CRYGN: variants seen among roughly 807,000 people sequenced by gnomAD.
CRYGN encodes gamma-crystallin N.
CRYGN carries 17 observed loss-of-function variants against 19.2 expected under a neutral mutation model. The ratio of observed to expected loss-of-function variants is 0.89; its 90% CI spans 0.61 to 1.33. CRYGN has a LOEUF of 1.33. CRYGN is among the 40% of genes most tolerant of loss of function. CRYGN has a pLI of 0.00. For synonymous variants in CRYGN, 84 were observed against 85.8 expected, an observed-to-expected ratio of 0.98 and a Z score of 0.12; for missense variants, 239 against 239.6, an observed-to-expected ratio of 1.00 and a Z score of 0.02.
At chr7:151,439,645 A>G (rs1801710494) in intron 1 of CRYGN, among the ~76,000 whole-genome samples, 1 of 151,850 alleles carries the variant, frequency 6.6e-6, no homozygotes, top group African/African-American at 2.4e-5. Flanking sequence ...GAGTCTGAAC[A>G]CCCTCCCTGC....
chr7:151,440,014 G>C lies in CRYGN; in HGVS notation c.-97C>G, dbSNP rs896640755. The C allele has an allele frequency of 5.0e-6, 7 of 1,412,596 alleles. No individual in the cohort carries two copies. Among genetic ancestry groups the C allele is most frequent in the Non-Finnish European group, 6.5e-6 (7 of 1,080,220 alleles). The allele number at this position is 1,412,596 out of a possible 1,614,324, so 87.5% of individuals were successfully genotyped here. ...ACAAAAGATTTGCTGGGCCGGCCCC[G>C]GAGCGTTAGTGCTGTCGGGCGTGCT... On this transcript the variant is annotated 5_prime_UTR_variant, in exon 1 of 4. Coordinates refer to ENST00000337323, the MANE Select transcript of CRYGN (RefSeq NM_144727.3).
Position 151,436,088 on chromosome 7 carries a change from AC to A in CRYGN, c.416+91del. On this transcript the variant is annotated intron_variant, in intron 3 of 3. Transcript: ENST00000337323. This position sits in a 1 kb window ranked among gnomAD's most constrained non-coding sequence, Gnocchi z 5.1. The stretch of plus-strand genomic sequence containing the variant: ...CTGCTGGAGGTCTCATTCCCACCCC[AC>A]CCACCACCCCTGTGTGGCGGGCAGC... 1 of 1,068,692 alleles carries A rather than the reference AC, an allele frequency of 9.4e-7. No individual in the cohort carries two copies. The highest frequency in any genetic ancestry group is 1.2e-6 in the Non-Finnish European group (1 of 814,262). The allele number at this position is 1,068,692 out of a possible 1,614,324, so 66.2% of individuals were successfully genotyped here. A position where few individuals can be genotyped will look rare whatever the true frequency, so the allele number is the denominator to read the frequency against.
At chr7:151,432,632 C>T (rs1245626489) in intron 3 of CRYGN, among the ~76,000 whole-genome samples, 1 of 152,196 alleles carries the variant, frequency 6.6e-6, no homozygotes, top group African/African-American at 2.4e-5. Context: ...GGTGAAACCC[C>T]GTCTCTACTA....
In CRYGN at chr7:151,438,206, C is replaced by T. The variant is rs1801671802; in HGVS notation, c.60G>A (p.Lys20=). Residue 20 remains lysine, a synonymous_variant, in exon 2 of 4, where the codon AAG becomes AAA. Coordinates refer to ENST00000337323, the MANE Select transcript of CRYGN (RefSeq NM_144727.3). ...TGTCACAGTCCCCGAAGACCTCCAG[C>T]TTCTGCCCTGTGAAGTGCTTGCCTT... The part of the protein sequence containing the change: ...LYEGKHFTGQ[K]LEVFGDCDNF... 6.2e-7 allele frequency: 1 copy of T among 1,613,902 alleles called. No homozygotes were observed. Among genetic ancestry groups the T allele is most frequent in the Non-Finnish European group, 8.5e-7 (1 of 1,180,004 alleles).
chr7:151,438,160 T>C lies in CRYGN; in HGVS notation c.106A>G (p.Met36Val), dbSNP rs988255218. The stretch of plus-strand genomic sequence containing the variant: ...ACGTGGATGGAGTTCACTCGGTTCA[T>C]AAAGCCCCGGTCCTGGAAGTTGTCA... Reference protein sequence around the residue: ...DCDNFQDRGFMNRVNSIHVES... With the variant: ...DCDNFQDRGFVNRVNSIHVES... Residue 36 changes from methionine to valine, a missense_variant, in exon 2 of 4, where the codon ATG (methionine) becomes GTG (valine). By Grantham distance (21) the Met-to-Val change is conservative (BLOSUM62 1). Coordinates refer to ENST00000337323, the MANE Select transcript of CRYGN (RefSeq NM_144727.3). The C allele has an allele frequency of 1.2e-6, 2 of 1,614,186 alleles. No homozygotes were observed. The highest frequency in any genetic ancestry group is 1.1e-5 in the South Asian group (1 of 91,082).
chr7:151,440,142 A>G (rs887496339), upstream of CRYGN: 2 of 1,319,794 alleles, frequency 1.5e-6, no homozygotes, highest in Non-Finnish European at 1.9e-6. Flanking sequence ...CTCCGCGTTT[A>G]GCTCCCGAGC....
In CRYGN at chr7:151,429,879, G is replaced by GC. The variant is rs2150904709; in HGVS notation, c.*168dup. The GC allele has an allele frequency of 1.5e-6, 1 of 648,710 alleles. No individual in the cohort carries two copies. Among genetic ancestry groups the GC allele is most frequent in the East Asian group, 2.6e-5 (1 of 38,060 alleles). 40.2% of individuals were successfully genotyped at this position (648,710 alleles called of 1,614,324 possible). ...GGACGGCTGTTTCAGAAGAGACAGG[G>GC]CCCTTGCCATGGGTGGGGAGGGCCT... On this transcript the variant is annotated 3_prime_UTR_variant, in exon 4 of 4. Coordinates refer to ENST00000337323, the MANE Select transcript of CRYGN (RefSeq NM_144727.3).
chr7:151,432,264 G>A (rs1801489235), intron 3 of CRYGN: 4 of 1,232,092 alleles, frequency 3.2e-6, no homozygotes, highest in South Asian at 8.2e-5. Context: ...CGTGGTAGTT[G>A]GGCTCCTCAT....
chr7:151,436,195 A>G lies in CRYGN; in HGVS notation c.401T>C (p.Val134Ala). 2 of 1,537,290 alleles carry G rather than the reference A, an allele frequency of 1.3e-6. No homozygotes were observed. Among genetic ancestry groups the G allele is most frequent in the African/African-American group, 2.8e-5 (2 of 71,896 alleles). The stretch of plus-strand genomic sequence containing the variant: ...CTGTACTCACGCTCCGTCCCCGTAC[A>G]CCTTGATGGTGTTCACACAGTTCTT... Reference protein sequence around the residue: ...WVKNCVNTIKVYGDGAAWSPR... With the variant: ...WVKNCVNTIKAYGDGAAWSPR... The change falls in exon 3 of 4, where the codon GTG becomes GCG. Residue 134 changes from valine (V) to alanine (A), a missense_variant. By Grantham distance (64) the Val-to-Ala change is moderately conservative (BLOSUM62 0). Transcript: ENST00000337323. The surrounding 1 kb of genome is among the most constrained non-coding windows in gnomAD (Gnocchi z 5.1).
chr7:151,439,326 A>T (rs1234952756), intron 1 of CRYGN, among the ~76,000 whole-genome samples: 3 of 152,052 alleles, frequency 2.0e-5, no homozygotes, highest in Non-Finnish European at 2.9e-5. Context: ...GGCCTTGGAG[A>T]CCAAAGGCTT....
chr7:151,432,400 C>T, intron 3 of CRYGN: 1 of 520,866 alleles, frequency 1.9e-6, no homozygotes, highest in Non-Finnish European at 3.0e-6. Context: ...GCGGCCCCTT[C>T]ACTCTGGGCT....
chr7:151,437,522 C>G (rs1801646964), intron 2 of CRYGN, among the ~76,000 whole-genome samples: 1 of 152,174 alleles, frequency 6.6e-6, no homozygotes, highest in African/African-American at 2.4e-5. Flanking sequence ...TTCCAAGGGA[C>G]CTGCCCCCCA....
In CRYGN at chr7:151,430,488, G is replaced by A. The variant is rs113807729; in HGVS notation, c.417-308C>T. 4.8e-4 allele frequency among the ~76,000 whole-genome samples: 73 copies of A among 152,276 alleles called. No homozygotes were observed. The highest frequency in any genetic ancestry group is 1.7e-3 in the African/African-American group (70 of 41,550). ...GCTCTCTCAGTGAGGGATGGGGAGAGGTTGGAGGACACCCAGGAACGGGAC... is the reference window on the plus strand; with the variant it reads ...GCTCTCTCAGTGAGGGATGGGGAGAAGTTGGAGGACACCCAGGAACGGGAC... On this transcript the variant is annotated intron_variant, in intron 3 of 3. Coordinates refer to ENST00000337323, the MANE Select transcript of CRYGN (RefSeq NM_144727.3). The surrounding 1 kb of genome is among the most constrained non-coding windows in gnomAD (Gnocchi z 5.2).
rs372324270 is a variant in CRYGN at position 151,437,895 on chromosome 7, C to T, written c.270+101G>A. ...CCTTCAGTCTTACAGACTTTAAAGC[C>T]GGGAGGACCACGCTCCCCGATTCCT... On this transcript the variant is annotated intron_variant, in intron 2 of 3. Coordinates refer to ENST00000337323, the MANE Select transcript of CRYGN (RefSeq NM_144727.3). 198 of 1,584,266 alleles carry T rather than the reference C, an allele frequency of 1.2e-4. No individual in the cohort carries two copies. In the East Asian group the frequency reaches 2.2e-3, roughly 17 times the overall value.
rs201571806 is a variant in CRYGN, at chr7:151,439,956, G to C, written c.-39C>G. 5.3e-6 allele frequency: 8 copies of C among 1,508,058 alleles called. No individual in the cohort carries two copies. The East Asian group carries it at 1.5e-4, about 29-fold the overall frequency. 93.4% of individuals were successfully genotyped at this position (1,508,058 alleles called of 1,614,324 possible). A position where few individuals can be genotyped will look rare whatever the true frequency, so the allele number is the denominator to read the frequency against. On this transcript the variant is annotated 5_prime_UTR_variant, in exon 1 of 4. Transcript: ENST00000337323. ...CCTTCCGCGGGTCCCCGTTTACACC[G>C]GGCAGCGCCCTGCTGGCTCAGCGCC...
In CRYGN at chr7:151,431,561, C is replaced by G. The variant is rs373568513; in HGVS notation, c.417-1381G>C. 6.6e-6 allele frequency among the ~76,000 whole-genome samples: 1 copy of G among 152,136 alleles called. No homozygotes were observed. Among genetic ancestry groups the G allele is most frequent in the East Asian group, 1.9e-4 (1 of 5,184 alleles). ...GGGGCTATGGCTGCAGCAGACACGC[C>G]CCATGCCCCTTTCTCCCCGAAAGCC... On this transcript the variant is annotated intron_variant, in intron 3 of 3. Coordinates refer to ENST00000337323, the MANE Select transcript of CRYGN (RefSeq NM_144727.3). The surrounding 1 kb of genome is among the most constrained non-coding windows in gnomAD (Gnocchi z 4.8).
At position 151,438,552 on chromosome 7, in the gene CRYGN, G is replaced by A. The variant is rs74982503; in HGVS notation, c.22-308C>T. On this transcript the variant is annotated intron_variant, in intron 1 of 3. Transcript: ENST00000337323. The stretch of plus-strand genomic sequence containing the variant: ...TTTGTCTAGGTGCCCATTTCAAAAT[G>A]GGCTGTTTTCAACTTCCACTGCATT... Among the ~76,000 whole-genome samples the A allele has an allele frequency of 6.3e-3, 953 of 152,306 alleles. 11 individuals carry two copies. Among genetic ancestry groups the A allele is most frequent in the East Asian group, 0.056 (292 of 5,184 alleles).
rs1384699803 is a variant in CRYGN, at chr7:151,430,409, G to A, written c.417-229C>T. On this transcript the variant is annotated intron_variant, in intron 3 of 3. Coordinates refer to ENST00000337323, the MANE Select transcript of CRYGN (RefSeq NM_144727.3). The surrounding 1 kb of genome is among the most constrained non-coding windows in gnomAD (Gnocchi z 5.2). The stretch of plus-strand genomic sequence containing the variant: ...CCTCCGTCTTTGCCACCCAGCTCTT[G>A]GTGGGGAATTGTCTTGGGTGAATTG... Among the ~76,000 whole-genome samples, 1 of 152,106 alleles carries A rather than the reference G, an allele frequency of 6.6e-6. No homozygotes were observed. Among genetic ancestry groups the A allele is most frequent in the Non-Finnish European group, 1.5e-5 (1 of 68,010 alleles).
chr7:151,429,829 C>G lies in CRYGN; in HGVS notation c.*219G>C. 1 of 583,264 alleles carries G rather than the reference C, an allele frequency of 1.7e-6. No individual in the cohort carries two copies. The highest frequency in any genetic ancestry group is 1.9e-5 in the African/African-American group (1 of 53,550). The allele number at this position is 583,264 out of a possible 1,614,324, so 36.1% of individuals were successfully genotyped here. On this transcript the variant is annotated 3_prime_UTR_variant, in exon 4 of 4. Coordinates refer to ENST00000337323, the MANE Select transcript of CRYGN (RefSeq NM_144727.3). Reference sequence around the variant, plus strand: ...CTGAGGCCAGCAGGGTGCCAAGGCCCAAGGAGGCTGTGGGGTGGAGGGTTG... The same window carrying G: ...CTGAGGCCAGCAGGGTGCCAAGGCCGAAGGAGGCTGTGGGGTGGAGGGTTG...
Sources: gnomAD v4.1 joint callset for allele counts (sites outside exome capture counted in the v4.1 genomes callset) on GRCh38, gnomAD v4.1.1 for gene constraint, Gnocchi (gnomAD v3.1) non-coding constraint, MANE v1.5 for transcripts, NCBI Gene and HGNC (gene_info 2026-07-23, HGNC 2026-07-21) for gene names.